Variants in NR3C2 observed in about 807,000 individuals in gnomAD.
NR3C2 encodes the protein nuclear receptor subfamily 3 group C member 2.
In NR3C2, 15 loss-of-function variants were observed where a neutral mutation model predicts 86.4. The ratio of observed to expected loss-of-function variants is 0.17; its 90% CI spans 0.12 to 0.27. NR3C2 has a LOEUF of 0.27. Ranked by LOEUF, NR3C2 falls within the 10% of genes least tolerant of loss-of-function variation. NR3C2 has a pLI of 1.00. For synonymous variants in NR3C2, 458 were observed against 450.5 expected (o/e 1.02, Z -0.21); for missense variants, 960 against 1,195.6 (o/e 0.80, Z 2.91).
chr4:148,321,950 T>G (rs1257625771), intron 2 of NR3C2, among the ~76,000 whole-genome samples: 3 of 152,086 alleles, frequency 2.0e-5, no homozygotes, highest in South Asian at 2.1e-4. Flanking sequence ...TTGCTCATTA[T>G]TTGATGCAGT....
intron 2 of NR3C2, among the ~76,000 whole-genome samples, chr4:148,276,772 G>A (rs1212801147): frequency 1.3e-5 from 2 of 152,006 alleles, no homozygotes; most frequent in Non-Finnish European, 2.9e-5. Context: ...AGAAAAGTGC[G>A]GTAGCACTTC....
At chr4:148,271,367 T>C (rs563005538) in intron 2 of NR3C2, among the ~76,000 whole-genome samples, 6 of 152,158 alleles carry the variant, frequency 3.9e-5, no homozygotes, top group Non-Finnish European at 8.8e-5. Context: ...GTACTTTCTT[T>C]GGGTCTTTGT....
intron 2 of NR3C2, among the ~76,000 whole-genome samples, chr4:148,358,165 T>C (rs61762825): frequency 6.6e-5 from 10 of 152,228 alleles, no homozygotes; most frequent in Non-Finnish European, 1.2e-4. Context: ...AAAAGACACA[T>C]GCACACGTAT....
rs555839175 is a variant in NR3C2, at chr4:148,401,276, G to A, written c.1757+33828C>T. On this transcript the variant is annotated intron_variant, in intron 2 of 8. Transcript: ENST00000358102. ...CCATCTGATGCGGAAGCATGGCAGA[G>A]GCTGCTAGGAGAATATCCATTCTCC... is the stretch of plus-strand genomic sequence containing the variant. 2.6e-5 allele frequency among the ~76,000 whole-genome samples: 4 copies of A among 152,192 alleles called. No homozygotes were observed. The South Asian group carries it at 8.3e-4, about 32-fold the overall frequency.
At chr4:148,369,894 C>T (rs1371471632) in intron 2 of NR3C2, among the ~76,000 whole-genome samples, 1 of 152,200 alleles carries the variant, frequency 6.6e-6, no homozygotes, top group Admixed American at 6.5e-5. Flanking sequence ...CCCAGTCTCT[C>T]CATATGCTGC....
chr4:148,184,619 C>T (rs950948883), intron 4 of NR3C2, among the ~76,000 whole-genome samples: 1 of 152,020 alleles, frequency 6.6e-6, no homozygotes, highest in African/African-American at 2.4e-5. Flanking sequence ...GTACTCTACA[C>T]ATTATATAAA....
intron 3 of NR3C2, among the ~76,000 whole-genome samples, chr4:148,222,839 TTAGATACTAC>T: frequency 6.6e-6 from 1 of 152,274 alleles, no homozygotes; most frequent in East Asian, 1.9e-4. Context: ...TACCAGCTTT[TTAGATACTAC>T]AGGATTACAC....
chr4:148,201,015 C>T (rs1391270016), intron 3 of NR3C2: 1 of 152,032 alleles, frequency 6.6e-6, no homozygotes, highest in Non-Finnish European at 1.5e-5. Flanking sequence ...AAGGGGTATC[C>T]CTGGTGTTTC....
At chr4:148,140,996 A>G (rs901077667) in intron 6 of NR3C2, among the ~76,000 whole-genome samples, 1 of 152,220 alleles carries the variant, frequency 6.6e-6, no homozygotes, top group African/African-American at 2.4e-5. Context: ...GAAGTCTGCA[A>G]AACTGAATCT....
intron 4 of NR3C2, among the ~76,000 whole-genome samples, chr4:148,160,751 T>C (rs982444771): frequency 6.6e-6 from 1 of 152,182 alleles, no homozygotes; most frequent in Non-Finnish European, 1.5e-5. Context: ...ATGTAATTAC[T>C]GCCCACAAAA....
chr4:148,216,846 T>C (rs549778883), intron 3 of NR3C2, among the ~76,000 whole-genome samples: 17 of 152,270 alleles, frequency 1.1e-4, no homozygotes, highest in Non-Finnish European at 2.4e-4. Flanking sequence ...ACCTAGCTCA[T>C]GATCACAACC....
chr4:148,139,938 T>C (rs1733531861), intron 6 of NR3C2, among the ~76,000 whole-genome samples: 1 of 152,146 alleles, frequency 6.6e-6, no homozygotes. Context: ...AAAATAATCG[T>C]GTGGTTCAAT....
At chr4:148,355,031 G>A (rs1745485086) in intron 2 of NR3C2, among the ~76,000 whole-genome samples, 1 of 151,950 alleles carries the variant, frequency 6.6e-6, no homozygotes, top group Non-Finnish European at 1.5e-5. Flanking sequence ...AATAAAGGGA[G>A]GACAATAACA....
chr4:148,442,712 G>T (rs72646919), upstream of NR3C2: 235 of 985,238 alleles, frequency 2.4e-4, 1 homozygote, highest in Admixed American at 4.9e-4. Context: ...GCCTGGACTC[G>T]GCAGCTTCCT....
At chr4:148,346,664 T>C (rs1346611384) in intron 2 of NR3C2, among the ~76,000 whole-genome samples, 2 of 152,138 alleles carry the variant, frequency 1.3e-5, no homozygotes, top group African/African-American at 4.8e-5. Flanking sequence ...ACATGCTACA[T>C]TTCCAAGACA....
At chr4:148,427,872 T>C (rs1224701923) in intron 2 of NR3C2, among the ~76,000 whole-genome samples, 1 of 152,140 alleles carries the variant, frequency 6.6e-6, no homozygotes, top group Middle Eastern at 3.2e-3. Flanking sequence ...AGGAATATTC[T>C]GACCATCAAA....
chr4:148,099,875 GT>G (rs375458205), intron 8 of NR3C2, among the ~76,000 whole-genome samples: 2 of 152,250 alleles, frequency 1.3e-5, no homozygotes, highest in African/African-American at 4.8e-5. Context: ...ACCTTCAGTG[GT>G]TTTTTTCTCC....
chr4:148,366,480 T>TTTTTAAAAAGAATA (rs1561066887), intron 2 of NR3C2, among the ~76,000 whole-genome samples: 283 of 19,186 alleles, frequency 0.015, no homozygotes, highest in Middle Eastern at 0.038. Context: ...TAAAAAGTAC[T>TTTTTAAAAAGAATA]CAGCACTTTT....
chr4:148,425,323 G>C (rs1470846032), intron 2 of NR3C2, among the ~76,000 whole-genome samples: 1 of 152,176 alleles, frequency 6.6e-6, no homozygotes, highest in East Asian at 1.9e-4. Flanking sequence ...TAGCAGAAAT[G>C]AAGTAAAGAA....
Sources: allele counts gnomAD v4.1 joint callset (sites outside exome capture counted in the v4.1 genomes callset), GRCh38; gene constraint gnomAD v4.1.1; transcripts MANE v1.5; gene names NCBI Gene and HGNC (gene_info 2026-07-23, HGNC 2026-07-21).